The following PCBD2 variants were observed in gnomAD, a reference collection of about 807,000 sequenced individuals.
PCBD2 encodes the protein pterin-4-alpha-carbinolamine dehydratase 2.
A neutral mutation model predicts 16.4 loss-of-function variants in PCBD2; 12 were observed. The ratio of observed to expected loss-of-function variants is 0.73; its 90% CI spans 0.47 to 1.19. PCBD2 has a LOEUF of 1.19. PCBD2 is among the 50% of genes most tolerant of loss of function. PCBD2 has a pLI of 0.00. For missense variants in PCBD2, 138 were observed against 156.8 expected, an observed-to-expected ratio of 0.88 and a Z score of 0.64; for synonymous variants, 58 against 61.8, an observed-to-expected ratio of 0.94 and a Z score of 0.29.
intron 2 of PCBD2, among the ~76,000 whole-genome samples, chr5:134,942,285 C>T (rs539116485): frequency 6.6e-6 from 1 of 152,082 alleles, no homozygotes; most frequent in East Asian, 1.9e-4. Context: ...ACATAGGGGA[C>T]TTGAATTTGC....
intron 2 of PCBD2, among the ~76,000 whole-genome samples, chr5:134,933,791 T>TA (rs1302996938): frequency 6.6e-6 from 1 of 152,118 alleles, no homozygotes; most frequent in Non-Finnish European, 1.5e-5. Flanking sequence ...AGTCACCTGT[T>TA]AAAAAAGTAA....
chr5:134,930,194 C>G (rs1310445669), intron 2 of PCBD2, among the ~76,000 whole-genome samples: 2 of 152,196 alleles, frequency 1.3e-5, no homozygotes, highest in South Asian at 2.1e-4. Flanking sequence ...ACTCATGTCT[C>G]TCTCCAGCTA....
At chr5:134,958,906 C>T in intron 2 of PCBD2, 134 bp from the exon 3 acceptor site, 2 of 648,098 alleles carry the variant, frequency 3.1e-6, no homozygotes, top group Non-Finnish European at 5.4e-6. Flanking sequence ...GAGAGCAGTC[C>T]TTTCATAGTT....
At chr5:134,905,414 C>T (rs552670127) in intron 1 of PCBD2, 191 bp downstream of exon 1, 210 of 408,382 alleles carry the variant, frequency 5.1e-4, no homozygotes, top group Non-Finnish European at 7.8e-4. Context: ...CCGGGGTGGC[C>T]GCAGCCTCCG....
At chr5:134,928,580 A>G (rs1206270558) in intron 2 of PCBD2, 2 of 218,964 alleles carry the variant, frequency 9.1e-6, no homozygotes, top group Non-Finnish European at 1.8e-5. Context: ...CACGCCTGTA[A>G]TCCTAGCACT....
chr5:134,937,895 A>C (rs1299131395), intron 2 of PCBD2, among the ~76,000 whole-genome samples: 2 of 152,220 alleles, frequency 1.3e-5, no homozygotes, highest in Non-Finnish European at 2.9e-5. Context: ...TAAAATGGCA[A>C]ACCATCTTAT....
intron 2 of PCBD2, among the ~76,000 whole-genome samples, chr5:134,952,649 A>T (rs1751371117): frequency 6.6e-6 from 1 of 152,010 alleles, no homozygotes; most frequent in African/African-American, 2.4e-5. Flanking sequence ...ACAAAAATTT[A>T]AAAAAATTAG....
At chr5:134,916,656 G>A (rs1334878981) in intron 2 of PCBD2, among the ~76,000 whole-genome samples, 2 of 152,210 alleles carry the variant, frequency 1.3e-5, no homozygotes, top group Non-Finnish European at 2.9e-5. Flanking sequence ...TTATTCTAAG[G>A]TATGGTTAGT....
At chr5:134,946,666 T>C (rs1483665225) in intron 2 of PCBD2, among the ~76,000 whole-genome samples, 1 of 152,222 alleles carries the variant, frequency 6.6e-6, no homozygotes, top group Non-Finnish European at 1.5e-5. Flanking sequence ...ATACTCTATT[T>C]TACAAAATGT....
At chr5:134,960,481 T>C in intron 3 of PCBD2, 105 bp from the exon 4 acceptor site, 1 of 769,918 alleles carries the variant, frequency 1.3e-6, no homozygotes, top group Non-Finnish European at 2.1e-6. Flanking sequence ...ATCCCCCTAA[T>C]TCTCAAATAT....
At chr5:134,945,305 G>A (rs962477889) in intron 2 of PCBD2, among the ~76,000 whole-genome samples, 1 of 152,154 alleles carries the variant, frequency 6.6e-6, no homozygotes, top group Non-Finnish European at 1.5e-5. Flanking sequence ...GCTGTGTGCT[G>A]CGTGCCTGTC....
At chr5:134,913,901 C>T (rs1476493883) in intron 2 of PCBD2, among the ~76,000 whole-genome samples, 1 of 152,092 alleles carries the variant, frequency 6.6e-6, no homozygotes, top group African/African-American at 2.4e-5. Context: ...GGTAGTGCCA[C>T]TGGAGCCATT....
chr5:134,938,055 A>T (rs1045078980), intron 2 of PCBD2, among the ~76,000 whole-genome samples: 2 of 152,210 alleles, frequency 1.3e-5, no homozygotes, highest in African/African-American at 4.8e-5. Context: ...GAACAAAATT[A>T]TCCAGTTGGG....
At chr5:134,945,295 G>A (rs907028767) in intron 2 of PCBD2, among the ~76,000 whole-genome samples, 2 of 152,172 alleles carry the variant, frequency 1.3e-5, no homozygotes, top group African/African-American at 4.8e-5. Context: ...ATGGAGCTTT[G>A]CTGTGTGCTG....
chr5:134,914,521 A>G (rs1750804390), intron 2 of PCBD2, among the ~76,000 whole-genome samples: 3 of 152,126 alleles, frequency 2.0e-5, no homozygotes, highest in Admixed American at 1.3e-4. Context: ...CAAGGACTGA[A>G]CTTTTGCTAA....
At chr5:134,942,742 G>C (rs1046777667) in intron 2 of PCBD2, among the ~76,000 whole-genome samples, 2 of 151,804 alleles carry the variant, frequency 1.3e-5, no homozygotes, top group African/African-American at 4.8e-5. Flanking sequence ...TGTATGTGAG[G>C]GCACTGTGCT....
chr5:134,947,843 A>T (rs17167728), intron 2 of PCBD2, among the ~76,000 whole-genome samples: 8,435 of 152,086 alleles, frequency 0.055, 466 homozygotes, highest in African/African-American at 0.15. Flanking sequence ...GAGCTTAAAT[A>T]CAATTTTTAA....
intron 2 of PCBD2, among the ~76,000 whole-genome samples, chr5:134,931,694 T>G (rs1751097078): frequency 6.6e-6 from 1 of 152,218 alleles, no homozygotes; most frequent in African/African-American, 2.4e-5. Context: ...TTTTGAAGAA[T>G]TGTAGAATAA....
At position 134,953,032 on chromosome 5, in the gene PCBD2, A is replaced by C. The variant is rs1338825773; in HGVS notation, c.217-6008A>C. On this transcript the variant is annotated intron_variant, in intron 2 of 3. Transcript: ENST00000254908. Reference sequence around the variant, plus strand: ...GCCTGTTCAATATAATTTATTAACAAGTTTTTTTTTTTGCATTTGCTTATG... The same window carrying C: ...GCCTGTTCAATATAATTTATTAACACGTTTTTTTTTTTGCATTTGCTTATG... 2.0e-5 allele frequency among the ~76,000 whole-genome samples: 3 copies of C among 151,510 alleles called. No individual in the cohort carries two copies. The South Asian group carries it at 6.2e-4, about 32-fold the overall frequency.
Sources: gnomAD v4.1 joint callset for allele counts (sites outside exome capture counted in the v4.1 genomes callset) on GRCh38, gnomAD v4.1.1 for gene constraint, MANE v1.5 for transcripts, NCBI Gene and HGNC (gene_info 2026-07-23, HGNC 2026-07-21) for gene names.